IFNLR1: variants seen among roughly 807,000 people sequenced by gnomAD.
The protein encoded by IFNLR1 is interferon lambda receptor 1.
A neutral mutation model predicts 52.5 loss-of-function variants in IFNLR1; 28 were observed. The ratio of observed to expected loss-of-function variants is 0.53; its 90% CI spans 0.40 to 0.73. The LOEUF (loss-of-function observed/expected upper bound fraction) is 0.73. Among genes scored for constraint, IFNLR1 ranks in the 30% least tolerant of loss-of-function variants. The pLI is 0.00. For synonymous variants in IFNLR1, 276 were observed against 274.9 expected, an observed-to-expected ratio of 1.00 and a Z score of -0.04; for missense variants, 623 against 659.1, an observed-to-expected ratio of 0.95 and a Z score of 0.60.
intron 1 of IFNLR1, among the ~76,000 whole-genome samples, chr1:24,185,085 G>T (rs1389803254): frequency 1.3e-5 from 2 of 152,046 alleles, no homozygotes; most frequent in African/African-American, 2.4e-5. Flanking sequence ...TGTGAGCCAG[G>T]TTCTGTGCTA....
chr1:24,177,651 C>G (rs1644646734), intron 2 of IFNLR1, among the ~76,000 whole-genome samples: 1 of 152,238 alleles, frequency 6.6e-6, no homozygotes, highest in Non-Finnish European at 1.5e-5. Flanking sequence ...TCAGTCTCCT[C>G]TGGCAACACC....
chr1:24,169,382 C>G, intron 3 of IFNLR1, 35 bp downstream of exon 3: 1 of 1,583,620 alleles, frequency 6.3e-7, no homozygotes, highest in Non-Finnish European at 8.6e-7. Flanking sequence ...ATGGGATGGA[C>G]AGCCTTCCAC....
In IFNLR1 at chr1:24,161,653, G is replaced by C; in HGVS notation, c.399C>G (p.Thr133=). 1 of 1,534,282 alleles carries C rather than the reference G, an allele frequency of 6.5e-7. No homozygotes were observed. The highest frequency in any genetic ancestry group is 2.0e-5 in the Admixed American group (1 of 50,026). Reference sequence around the variant, plus strand: ...TGGCACTCAGGATCTCCTCCGTCTGGGTGAGCACCAGGACAGGTGGGGCCG... The same window carrying C: ...TGGCACTCAGGATCTCCTCCGTCTGCGTGAGCACCAGGACAGGTGGGGCCG... ...VEPAPPVLVL[T]QTEEILSANA... is the part of the protein sequence containing the mutation. The change falls in exon 4 of 7, where the codon ACC becomes ACG. Residue 133 remains threonine (T), a synonymous_variant. Coordinates refer to ENST00000327535, the MANE Select transcript of IFNLR1 (RefSeq NM_170743.4).
chr1:24,183,954 T>C (rs569023590), intron 1 of IFNLR1, among the ~76,000 whole-genome samples: 10 of 152,328 alleles, frequency 6.6e-5, no homozygotes, highest in African/African-American at 2.4e-4. Flanking sequence ...GGTCTCGAAC[T>C]CCTGACCTCA....
chr1:24,169,279 G>A (rs1174312449), intron 3 of IFNLR1, 138 bp downstream of exon 3: 2 of 754,202 alleles, frequency 2.7e-6, no homozygotes, highest in Non-Finnish European at 4.3e-6. Flanking sequence ...CCATCTCAAA[G>A]GGCCTGGCCC....
At chr1:24,172,890 C>T (rs953875712) in intron 2 of IFNLR1, among the ~76,000 whole-genome samples, 10 of 152,058 alleles carry the variant, frequency 6.6e-5, no homozygotes, top group East Asian at 1.9e-4. Flanking sequence ...CTCACAAGGC[C>T]GTTCTTCTGT....
intron 3 of IFNLR1, among the ~76,000 whole-genome samples, chr1:24,167,688 TTTTA>T (rs895082287): frequency 6.4e-4 from 91 of 142,606 alleles, no homozygotes; most frequent in African/African-American, 2.3e-3. Context: ...GCTGGCCTCT[TTTTA>T]TTTATTTATT....
At chr1:24,165,081 T>G (rs776133616) in intron 3 of IFNLR1, among the ~76,000 whole-genome samples, 1 of 152,162 alleles carries the variant, frequency 6.6e-6, no homozygotes, top group Non-Finnish European at 1.5e-5. Context: ...TTAATTTTAT[T>G]GTTTTTTGCA....
chr1:24,169,357 G>A, intron 3 of IFNLR1, 60 bp downstream of exon 3: 2 of 1,497,960 alleles, frequency 1.3e-6, no homozygotes, highest in African/African-American at 1.4e-5. Context: ...ACTGAGCACT[G>A]AGCACAGCTC....
chr1:24,158,343 T>C (rs1319420702), intron 6 of IFNLR1, among the ~76,000 whole-genome samples: 1 of 152,184 alleles, frequency 6.6e-6, no homozygotes, highest in African/African-American at 2.4e-5. Flanking sequence ...ACAGGAAGGC[T>C]GAGGGCACGG....
At chr1:24,169,998 G>A (rs1163169197) in intron 2 of IFNLR1, among the ~76,000 whole-genome samples, 5 of 152,208 alleles carry the variant, frequency 3.3e-5, no homozygotes, top group Admixed American at 3.3e-4. Context: ...GACCATGATA[G>A]GTACTCTGTG....
chr1:24,179,202 C>T (rs1644664412), intron 2 of IFNLR1, among the ~76,000 whole-genome samples: 1 of 152,040 alleles, frequency 6.6e-6, no homozygotes, highest in Non-Finnish European at 1.5e-5. Context: ...CCCCACCCAC[C>T]TCGGCCTCCC....
chr1:24,161,279 C>G, intron 4 of IFNLR1: 1 of 587,572 alleles, frequency 1.7e-6, no homozygotes, highest in Non-Finnish European at 3.1e-6. Context: ...GTGGTCATCT[C>G]TGGGTACTTT....
intron 4 of IFNLR1, 29 bp from the exon 5 acceptor site, chr1:24,159,662 G>C: frequency 6.2e-7 from 1 of 1,610,860 alleles, no homozygotes; most frequent in Non-Finnish European, 8.5e-7. Flanking sequence ...GAGAGTGGCA[G>C]AGCTGCTGTG....
At chr1:24,171,367 A>G (rs1644577891) in intron 2 of IFNLR1, among the ~76,000 whole-genome samples, 1 of 152,284 alleles carries the variant, frequency 6.6e-6, no homozygotes, top group Non-Finnish European at 1.5e-5. Context: ...CAAAATATTA[A>G]CACAAAGCAA....
intron 3 of IFNLR1, among the ~76,000 whole-genome samples, chr1:24,168,837 G>A (rs1644546884): frequency 6.6e-6 from 1 of 152,100 alleles, no homozygotes; most frequent in African/African-American, 2.4e-5. Flanking sequence ...TCCGCCTCCT[G>A]GGTTCAAGCG....
intron 2 of IFNLR1, among the ~76,000 whole-genome samples, chr1:24,180,465 C>T (rs1644677599): frequency 1.3e-5 from 2 of 152,106 alleles, no homozygotes; most frequent in South Asian, 4.2e-4. Context: ...ACAGCTACAT[C>T]CATGCCCCAC....
chr1:24,169,638 C>T, intron 2 of IFNLR1, 37 bp from the exon 3 acceptor site: 1 of 1,586,724 alleles, frequency 6.3e-7, no homozygotes, highest in Non-Finnish European at 8.6e-7. Context: ...GCCATGGACT[C>T]AGCCTCTCCG....
intron 3 of IFNLR1, among the ~76,000 whole-genome samples, chr1:24,168,472 G>A (rs948785543): frequency 1.3e-5 from 2 of 151,956 alleles, no homozygotes; most frequent in South Asian, 2.1e-4. Context: ...TATGTCCACC[G>A]GTTACTAGCG....
Sources: gnomAD v4.1 joint callset for allele counts (sites outside exome capture counted in the v4.1 genomes callset) on GRCh38, gnomAD v4.1.1 for gene constraint, MANE v1.5 for transcripts, NCBI Gene and HGNC (gene_info 2026-07-23, HGNC 2026-07-21) for gene names.